Variants in MASP1 observed in about 807,000 individuals in gnomAD.
The protein encoded by MASP1 is mannan-binding lectin serine protease 1.
A neutral mutation model predicts 77.1 loss-of-function variants in MASP1; 59 were observed. The observed-to-expected ratio is 0.77, with a 90% CI of 0.62 to 0.95. MASP1 has a LOEUF of 0.95. Among genes scored for constraint, MASP1 ranks in the 40% least tolerant of loss-of-function variants. The pLI is 0.00. For synonymous variants in MASP1, 362 were observed against 354.5 expected, an observed-to-expected ratio of 1.02 and a Z score of -0.24; for missense variants, 885 against 912.9, an observed-to-expected ratio of 0.97 and a Z score of 0.39.
exon 16 of MASP1, chr3:187,217,585 G>T (rs1458075622): frequency 6.6e-6 from 1 of 152,218 alleles, no homozygotes; most frequent in African/African-American, 2.4e-5. Flanking sequence ...ATTGGGGGTA[G>T]TGAGTTTCTC....
intron 13 of MASP1, among the ~76,000 whole-genome samples, chr3:187,224,173 T>A (rs987571952): frequency 1.5e-4 from 23 of 152,142 alleles, no homozygotes; most frequent in African/African-American, 5.6e-4. Flanking sequence ...CTGACATGGG[T>A]CACCTATGTT....
chr3:187,246,952 T>A, intron 8 of MASP1: 1 of 1,108,486 alleles, frequency 9.0e-7, no homozygotes, highest in Non-Finnish European at 1.1e-6. Flanking sequence ...ACATGTAGAA[T>A]GGATTAGAAA....
At chr3:187,246,012 C>T (rs935540750) in intron 8 of MASP1, among the ~76,000 whole-genome samples, 1 of 152,164 alleles carries the variant, frequency 6.6e-6, no homozygotes, top group Non-Finnish European at 1.5e-5. Flanking sequence ...CTTCTTTCCT[C>T]CCCTTGGTGC....
At chr3:187,220,067 A>C (rs1163778381) in exon 16 of MASP1, 1 of 1,613,204 alleles carries the variant, frequency 6.2e-7, no homozygotes, top group African/African-American at 1.3e-5. Flanking sequence ...CTGAGGAGCC[A>C]AATTCAGTTC....
At chr3:187,262,520 G>T in intron 3 of MASP1, 23 bp downstream of exon 3, 1 of 1,612,644 alleles carries the variant, frequency 6.2e-7, no homozygotes, top group Non-Finnish European at 8.5e-7. Flanking sequence ...GAGACCTGAG[G>T]ATGAGTCACT....
exon 16 of MASP1, chr3:187,220,019 C>CCT: frequency 6.3e-7 from 1 of 1,590,236 alleles, no homozygotes. Context: ...GGAGGATCGT[C>CCT]CTCTGCTACT....
chr3:187,231,753 CAA>C (rs1712779935), downstream of MASP1, among the ~76,000 whole-genome samples: 1 of 152,216 alleles, frequency 6.6e-6, no homozygotes. Context: ...AAGCAGAAAC[CAA>C]AGTCTGGTAA....
chr3:187,282,066 T>C (rs1310374785), intron 2 of MASP1, among the ~76,000 whole-genome samples: 2 of 152,152 alleles, frequency 1.3e-5, no homozygotes, highest in African/African-American at 4.8e-5. Flanking sequence ...CCAATAGGAA[T>C]GTGGCCAGAG....
At position 187,250,297 on chromosome 3, in the gene MASP1, C is replaced by T; in HGVS notation, c.1044G>A (p.Glu348=). The part of the protein sequence containing the change: ...DNVEMDTFQI[E]CLKDGTWSNK... ...TACTCCACGTCCCATCCTTCAGACACTCAATCTGGAATGTGTCCATCTCCA... is the reference window on the plus strand; with the variant it reads ...TACTCCACGTCCCATCCTTCAGACATTCAATCTGGAATGTGTCCATCTCCA... Residue 348 remains glutamate (E), a synonymous_variant, in exon 8 of 11, where the codon GAG becomes GAA. Transcript: ENST00000296280. The T allele has an allele frequency of 6.2e-7, 1 of 1,614,014 alleles. No homozygotes were observed. The highest frequency in any genetic ancestry group is 1.1e-5 in the South Asian group (1 of 91,084).
intron 14 of MASP1, chr3:187,223,067 C>A (rs1430668565): frequency 4.2e-6 from 6 of 1,421,678 alleles, no homozygotes; most frequent in Non-Finnish European, 6.0e-6. Context: ...CAATACGGAG[C>A]AGGAAGGCCC....
chr3:187,251,675 G>T lies in MASP1; in HGVS notation c.970C>A (p.Gln324Lys), dbSNP rs758859372. Residue 324 changes from glutamine to lysine, a missense_variant, in exon 7 of 11, where the codon CAA (glutamine) becomes AAA (lysine). Gln to Lys is a moderately conservative substitution (Grantham distance 53, BLOSUM62 1). Coordinates refer to ENST00000296280, the MANE Select transcript of MASP1 (RefSeq NM_139125.4). ...CCTGTGTCACAGCTGACGAGCACTT[G>T]GTCTTTGAAGAAATACTTGGCTTGG... ...PSQAKYFFKD[Q>K]VLVSCDTGYK... 1.2e-6 allele frequency: 2 copies of T among 1,614,172 alleles called. No homozygotes were observed. Among genetic ancestry groups the T allele is most frequent in the South Asian group, 1.1e-5 (1 of 91,088 alleles).
At chr3:187,259,121 C>A (rs1715346516) in intron 4 of MASP1, among the ~76,000 whole-genome samples, 1 of 152,176 alleles carries the variant, frequency 6.6e-6, no homozygotes, top group South Asian at 2.1e-4. Context: ...GTGACTTTAG[C>A]CCTGCTAAGG....
At chr3:187,268,890 C>T (rs1716282241) in intron 2 of MASP1, among the ~76,000 whole-genome samples, 1 of 152,062 alleles carries the variant, frequency 6.6e-6, no homozygotes. Flanking sequence ...CATAGTGAAG[C>T]CCCATCTCTA....
At chr3:187,240,483 A>T (rs1251303480) in intron 10 of MASP1, among the ~76,000 whole-genome samples, 8 of 151,858 alleles carry the variant, frequency 5.3e-5, no homozygotes, top group Non-Finnish European at 1.0e-4. Flanking sequence ...CTTTTTTTTA[A>T]AAAAAATGTA....
chr3:187,224,606 A>G (rs1189221501), intron 13 of MASP1, among the ~76,000 whole-genome samples: 3 of 151,904 alleles, frequency 2.0e-5, no homozygotes, highest in Non-Finnish European at 4.4e-5. Flanking sequence ...TCGGCCTCCC[A>G]AAGTGCTGGG....
At chr3:187,256,569 C>A (rs1304212624) in intron 5 of MASP1, 95 bp downstream of exon 5, 11 of 1,166,024 alleles carry the variant, frequency 9.4e-6, no homozygotes, top group Non-Finnish European at 1.4e-5. Flanking sequence ...GCTCTCTATC[C>A]TGGGAGAAGA....
Position 187,235,841 on chromosome 3 carries a change from C to A in MASP1, c.2030G>T (p.Arg677Leu), listed in dbSNP as rs768033628. 2 of 1,614,080 alleles carry A rather than the reference C, an allele frequency of 1.2e-6. No homozygotes were observed. Among genetic ancestry groups the A allele is most frequent in the Non-Finnish European group, 1.7e-6 (2 of 1,180,034 alleles). The change falls in exon 11 of 11, where the codon CGC becomes CTC. Residue 677 changes from arginine to leucine, a missense_variant. Transcript: ENST00000296280. Reference sequence around the variant, plus strand: ...GGACACCAGGCCTTGCACCACCCAGCGCTGGCTCAAGTCATCAAAGATGAC... The same window carrying A: ...GGACACCAGGCCTTGCACCACCCAGAGCTGGCTCAAGTCATCAAAGATGAC... ...AFVIFDDLSQ[R>L]WVVQGLVSWG...
chr3:187,238,104 C>T (rs1713323018), intron 10 of MASP1, among the ~76,000 whole-genome samples: 1 of 152,330 alleles, frequency 6.6e-6, no homozygotes, highest in East Asian at 1.9e-4. Context: ...ACTGGTCCTA[C>T]ATATATTTAG....
At chr3:187,257,635 T>C (rs1715205836) in intron 4 of MASP1, among the ~76,000 whole-genome samples, 1 of 152,204 alleles carries the variant, frequency 6.6e-6, no homozygotes, top group Non-Finnish European at 1.5e-5. Context: ...TCTTCCTGCC[T>C]TGGCCTCCCA....
Sources: allele counts gnomAD v4.1 joint callset (sites outside exome capture counted in the v4.1 genomes callset), GRCh38; gene constraint gnomAD v4.1.1; transcripts MANE v1.5; gene names NCBI Gene and HGNC (gene_info 2026-07-23, HGNC 2026-07-21).